FGF18: variants seen among roughly 807,000 people sequenced by gnomAD.
FGF18 encodes fibroblast growth factor 18.
Under a neutral mutation model 23.0 loss-of-function variants are expected in FGF18, and 5 were observed. The observed-to-expected ratio is 0.22, with a 90% CI of 0.11 to 0.46. FGF18 has a LOEUF of 0.46. FGF18 is among the 20% of genes least tolerant of loss of function. The pLI, the probability that FGF18 is intolerant of heterozygous loss-of-function variation, is 0.99. For synonymous variants in FGF18, 117 were observed against 118.9 expected (o/e 0.98, Z 0.10); for missense variants, 180 against 291.6 (o/e 0.62, Z 2.79).
chr5:171,427,291 A>T (rs1404286051), intron 2 of FGF18, among the ~76,000 whole-genome samples: 1 of 152,232 alleles, frequency 6.6e-6, no homozygotes, highest in Admixed American at 6.5e-5. Flanking sequence ...TAGCTAGCAC[A>T]ATGGCAAAAC....
At position 171,436,297 on chromosome 5, in the gene FGF18, A is replaced by G. The variant is rs1299462349; in HGVS notation, c.250+24A>G. 3 of 1,503,342 alleles carry G rather than the reference A, an allele frequency of 2.0e-6. No individual in the cohort carries two copies. The highest frequency in any genetic ancestry group is 2.7e-5 in the South Asian group (2 of 74,890). 93.1% of individuals were successfully genotyped at this position (1,503,342 alleles called of 1,614,324 possible). A position where few individuals can be genotyped will look rare whatever the true frequency, so the allele number is the denominator to read the frequency against. ...TGGTATGTGCCAACCCTCTCCTCCT[A>G]CTCCGTGTACCCGTGTACATGTCCT... On this transcript the variant is annotated intron_variant, in intron 3 of 4. Transcript: ENST00000274625. The surrounding 1 kb of genome is among the most constrained non-coding windows in gnomAD (Gnocchi z 4.4).
In FGF18 at chr5:171,457,460, A is replaced by T. The variant is rs1772603834; in HGVS notation, c.*655A>T. 6.6e-6 allele frequency: 1 copy of T among 152,020 alleles called. No individual in the cohort carries two copies. The highest frequency in any genetic ancestry group is 2.4e-5 in the African/African-American group (1 of 41,372). 9.4% of individuals were successfully genotyped at this position (152,020 alleles called of 1,614,324 possible). ...TGCTGCTATCGACCTTCCGTGACTC[A>T]CGTGACCTAGTACACCAATGATAAG... is the stretch of plus-strand genomic sequence containing the variant. On this transcript the variant is annotated 3_prime_UTR_variant, in exon 5 of 5. Coordinates refer to ENST00000274625, the MANE Select transcript of FGF18 (RefSeq NM_003862.3).
chr5:171,436,042 AG>A lies in FGF18; in HGVS notation c.70-50del. ...GTGGACGTGGCTGGCTCCTGCATGC[AG>A]TGGGCCTGGGACATCTGGGGTGGCT... is the stretch of plus-strand genomic sequence containing the variant. On this transcript the variant is annotated intron_variant, in intron 2 of 4. Coordinates refer to ENST00000274625, the MANE Select transcript of FGF18 (RefSeq NM_003862.3). This position sits in a 1 kb window ranked among gnomAD's most constrained non-coding sequence, Gnocchi z 4.4. 4.3e-6 allele frequency: 6 copies of A among 1,399,286 alleles called. No homozygotes were observed. The highest frequency in any genetic ancestry group is 5.6e-6 in the Non-Finnish European group (6 of 1,062,966). The allele number at this position is 1,399,286 out of a possible 1,614,324, so 86.7% of individuals were successfully genotyped here.
chr5:171,447,471 C>CAGT (rs752465327), intron 3 of FGF18, among the ~76,000 whole-genome samples: 11 of 152,250 alleles, frequency 7.2e-5, no homozygotes, highest in Non-Finnish European at 1.3e-4. Flanking sequence ...ATCCCTGAGT[C>CAGT]AGTGTTGACT....
At chr5:171,444,649 C>T (rs969641530) in intron 3 of FGF18, among the ~76,000 whole-genome samples, 3 of 152,078 alleles carry the variant, frequency 2.0e-5, no homozygotes, top group South Asian at 2.1e-4. Context: ...CACCGAGAGT[C>T]GCACCAGGAA....
rs1241219814 is a variant in FGF18 at position 171,436,140 on chromosome 5, C to T, written c.117C>T (p.Asn39=). The change falls in exon 3 of 5, where the codon AAC becomes AAT. Residue 39 remains asparagine, a synonymous_variant. Transcript: ENST00000274625. This position sits in a 1 kb window ranked among gnomAD's most constrained non-coding sequence, Gnocchi z 4.4. ...TGGACTTCCGCATCCACGTGGAGAA[C>T]CAGACGCGGGCTCGGGACGATGTGA... The part of the protein sequence containing the change: ...ENVDFRIHVE[N]QTRARDDVSR... 3 of 1,587,348 alleles carry T rather than the reference C, an allele frequency of 1.9e-6. No homozygotes were observed. The highest frequency in any genetic ancestry group is 1.7e-5 in the Admixed American group (1 of 57,676).
At chr5:171,430,438 C>T (rs938373687) in intron 2 of FGF18, among the ~76,000 whole-genome samples, 1 of 151,720 alleles carries the variant, frequency 6.6e-6, no homozygotes, top group East Asian at 1.9e-4. Flanking sequence ...CAAGAGATTC[C>T]TAGCACAGAG....
At chr5:171,433,433 G>A (rs900855268) in intron 2 of FGF18, among the ~76,000 whole-genome samples, 2 of 152,196 alleles carry the variant, frequency 1.3e-5, no homozygotes, top group African/African-American at 4.8e-5. Flanking sequence ...CTGCCCTTGG[G>A]GGAGGGGACA....
intron 2 of FGF18, among the ~76,000 whole-genome samples, chr5:171,432,870 G>C (rs191150124): frequency 1.3e-5 from 2 of 152,352 alleles, no homozygotes; most frequent in African/African-American, 4.8e-5. Context: ...TTTGGCATGC[G>C]TTTGCTGGTT....
At chr5:171,439,774 G>A (rs892256953) in intron 3 of FGF18, among the ~76,000 whole-genome samples, 1 of 152,182 alleles carries the variant, frequency 6.6e-6, no homozygotes, top group African/African-American at 2.4e-5. Flanking sequence ...GAGCCCACAC[G>A]CAGGGAGACT....
chr5:171,447,800 T>G (rs941954001), intron 3 of FGF18, among the ~76,000 whole-genome samples: 3 of 152,150 alleles, frequency 2.0e-5, no homozygotes, highest in African/African-American at 7.2e-5. Context: ...CTCAGGAATT[T>G]GGGGCTATGA....
rs747503710 is a variant in FGF18 at position 171,436,105 on chromosome 5, G to A, written c.82G>A (p.Glu28Lys). ...TTTCCCTGCCCAGGTGCTGGTTGCC[G>A]AGGAGAACGTGGACTTCCGCATCCA... Reference protein sequence around the residue: ...LCFQVQVLVAEENVDFRIHVE... With the variant: ...LCFQVQVLVAKENVDFRIHVE... The change falls in exon 3 of 5, where the codon GAG becomes AAG. Residue 28 changes from glutamate (E) to lysine (K), a missense_variant. Glu to Lys is a moderately conservative substitution (Grantham distance 56). Transcript: ENST00000274625. This position sits in a 1 kb window ranked among gnomAD's most constrained non-coding sequence, Gnocchi z 4.4. 28 of 1,555,582 alleles carry A rather than the reference G, an allele frequency of 1.8e-5. No individual in the cohort carries two copies. Among genetic ancestry groups the A allele is most frequent in the Non-Finnish European group, 2.4e-5 (27 of 1,144,738 alleles).
At chr5:171,444,910 A>G (rs1269242606) in intron 3 of FGF18, among the ~76,000 whole-genome samples, 1 of 152,202 alleles carries the variant, frequency 6.6e-6, no homozygotes, top group Non-Finnish European at 1.5e-5. Flanking sequence ...GATAAGACAG[A>G]TAGGTTCTTG....
intron 3 of FGF18, among the ~76,000 whole-genome samples, chr5:171,448,248 C>T (rs1442985800): frequency 6.6e-6 from 1 of 152,156 alleles, no homozygotes; most frequent in Non-Finnish European, 1.5e-5. Flanking sequence ...GGGGGAATCC[C>T]AGTGGGGATC....
intron 3 of FGF18, among the ~76,000 whole-genome samples, chr5:171,446,073 CTT>C (rs1009423945): frequency 6.6e-6 from 1 of 152,210 alleles, no homozygotes; most frequent in African/African-American, 2.4e-5. Context: ...TCCCCAAAGA[CTT>C]TACATAATTC....
chr5:171,439,890 A>AG (rs1284825674), intron 3 of FGF18, among the ~76,000 whole-genome samples: 4 of 151,862 alleles, frequency 2.6e-5, no homozygotes, highest in Non-Finnish European at 4.4e-5. Context: ...TCTCTGTTTG[A>AG]GAAAAAAAAA....
intron 2 of FGF18, among the ~76,000 whole-genome samples, chr5:171,435,548 A>T (rs1772233007): frequency 6.6e-6 from 1 of 151,974 alleles, no homozygotes; most frequent in Non-Finnish European, 1.5e-5. Flanking sequence ...GGGTGTGGGG[A>T]GGAGACCCCA....
intron 2 of FGF18, among the ~76,000 whole-genome samples, chr5:171,428,533 G>GC (rs1772131837): frequency 6.6e-6 from 1 of 152,212 alleles, no homozygotes; most frequent in Admixed American, 6.5e-5. Flanking sequence ...GCCTCTGCGT[G>GC]CGTGCATGTG....
intron 4 of FGF18, among the ~76,000 whole-genome samples, chr5:171,455,675 C>A (rs1772570707): frequency 6.6e-6 from 1 of 152,206 alleles, no homozygotes; most frequent in South Asian, 2.1e-4. Context: ...GCTGCCTCTG[C>A]TTCAGCCTTA....
Sources: gnomAD v4.1 joint callset for allele counts (sites outside exome capture counted in the v4.1 genomes callset) on GRCh38, gnomAD v4.1.1 for gene constraint, Gnocchi (gnomAD v3.1) non-coding constraint, MANE v1.5 for transcripts, NCBI Gene and HGNC (gene_info 2026-07-23, HGNC 2026-07-21) for gene names.